SPOCK1: variants seen among roughly 807,000 people sequenced by gnomAD.
SPOCK1 encodes the protein SPARC (osteonectin), cwcv and kazal like domains proteoglycan 1.
SPOCK1 carries 23 observed loss-of-function variants against 55.3 expected under a neutral mutation model. The observed-to-expected ratio is 0.42, with a 90% CI of 0.30 to 0.59. The LOEUF (loss-of-function observed/expected upper bound fraction) is 0.59. Ranked by LOEUF, SPOCK1 falls within the 20% of genes least tolerant of loss-of-function variation. The probability of loss-of-function intolerance (pLI) is 0.22; values close to 1 mark genes in which losing one functional copy is unlikely to be tolerated. For missense variants in SPOCK1, 499 were observed against 552.5 expected (o/e 0.90, Z 0.97); for synonymous variants, 226 against 221.0 (o/e 1.02, Z -0.20).
rs144765704 is a variant in SPOCK1 at position 137,460,398 on chromosome 5, G to A, written c.186+37975C>T. On this transcript the variant is annotated intron_variant, in intron 2 of 10. Transcript: ENST00000394945. ...GGGAGACTCTTCCAGGTCAAGGTACGGGATAAGGACCAGCCTGTTTAATGC... is the reference window on the plus strand; with the variant it reads ...GGGAGACTCTTCCAGGTCAAGGTACAGGATAAGGACCAGCCTGTTTAATGC... Among the ~76,000 whole-genome samples, 1,268 of 152,242 alleles carry A rather than the reference G, an allele frequency of 8.3e-3. 17 individuals carry two copies. The highest frequency in any genetic ancestry group is 0.029 in the African/African-American group (1,205 of 41,522).
At chr5:137,292,426 T>TAAAAAA (rs753574851) in intron 2 of SPOCK1, among the ~76,000 whole-genome samples, 3 of 38,004 alleles carry the variant, frequency 7.9e-5, no homozygotes, top group Non-Finnish European at 9.7e-5. Context: ...CTGGTGTAGT[T>TAAAAAA]AAAAAAAAAA....
chr5:136,997,997 T>G (rs566574916), intron 6 of SPOCK1, among the ~76,000 whole-genome samples: 26 of 152,032 alleles, frequency 1.7e-4, no homozygotes, highest in African/African-American at 5.8e-4. Flanking sequence ...ACTTCAATTT[T>G]TCCATCTGCA....
chr5:137,155,104 T>C (rs569101850), intron 3 of SPOCK1, among the ~76,000 whole-genome samples: 3 of 152,310 alleles, frequency 2.0e-5, no homozygotes, highest in Admixed American at 2.0e-4. Flanking sequence ...TTAACATTGA[T>C]CTTTGCAAGT....
intron 2 of SPOCK1, among the ~76,000 whole-genome samples, chr5:137,394,979 T>C (rs563727458): frequency 3.3e-4 from 51 of 152,350 alleles, no homozygotes; most frequent in African/African-American, 1.2e-3. Context: ...TCAGCAAAGC[T>C]GAGGTCCAGC....
chr5:137,281,670 C>T (rs1757167884), intron 2 of SPOCK1, among the ~76,000 whole-genome samples: 1 of 152,224 alleles, frequency 6.6e-6, no homozygotes, highest in Non-Finnish European at 1.5e-5. Context: ...CAAATTGTGG[C>T]TCGATTTGTT....
chr5:137,096,182 A>C (rs1753142273), intron 5 of SPOCK1, among the ~76,000 whole-genome samples: 1 of 152,122 alleles, frequency 6.6e-6, no homozygotes, highest in African/African-American at 2.4e-5. Context: ...CAAGTATAGC[A>C]TACTGCTGGA....
rs140664910 is a variant in SPOCK1, at chr5:137,143,573, C to T, written c.233-2879G>A. Among the ~76,000 whole-genome samples the T allele has an allele frequency of 1.0e-3, 152 of 152,264 alleles. 4 individuals carry two copies. The Middle Eastern group carries it at 0.024, about 24-fold the overall frequency. On this transcript the variant is annotated intron_variant, in intron 3 of 10. Transcript: ENST00000394945. ...GGGATAATAACAGCACCTGCTATTG[C>T]TTGGTGGTTGTCATGAACATTTAAT...
Position 136,978,630 on chromosome 5 carries a change from CT to C in SPOCK1, c.*23del, listed in dbSNP as rs777246567. ...AAGTGACTTGCAATTTTGTGCAAAA[CT>C]TGTGTCCTCTTTCTTGTGGGCACTA... is the stretch of plus-strand genomic sequence containing the variant. On this transcript the variant is annotated 3_prime_UTR_variant, in exon 11 of 11. Transcript: ENST00000394945. 1 of 1,568,788 alleles carries C rather than the reference CT, an allele frequency of 6.4e-7. No individual in the cohort carries two copies. Among genetic ancestry groups the C allele is most frequent in the Non-Finnish European group, 8.6e-7 (1 of 1,160,616 alleles).
rs925858775 is a variant in SPOCK1, at chr5:137,044,067, A to G, written c.589+23648T>C. The stretch of plus-strand genomic sequence containing the variant: ...ATAAAGAGTTTATGTGAAAAAATTA[A>G]CATTAAATTAATGACTTTGGGATAT... On this transcript the variant is annotated intron_variant, in intron 6 of 10. Coordinates refer to ENST00000394945, the MANE Select transcript of SPOCK1 (RefSeq NM_004598.4). 6.6e-5 allele frequency among the ~76,000 whole-genome samples: 10 copies of G among 152,360 alleles called. No individual in the cohort carries two copies. In the East Asian group the frequency reaches 1.9e-3, roughly 29 times the overall value.
chr5:137,464,196 G>A (rs1009620693), intron 2 of SPOCK1, among the ~76,000 whole-genome samples: 1 of 152,086 alleles, frequency 6.6e-6, no homozygotes, highest in African/African-American at 2.4e-5. Context: ...AGCTACTTGT[G>A]GGGGCTGAGG....
intron 2 of SPOCK1, among the ~76,000 whole-genome samples, chr5:137,390,023 G>A (rs921983537): frequency 2.0e-5 from 3 of 152,110 alleles, no homozygotes; most frequent in Non-Finnish European, 4.4e-5. Context: ...CTCCACCCAG[G>A]TTCAAGCAGA....
chr5:137,074,916 G>T (rs1752722652), intron 5 of SPOCK1, among the ~76,000 whole-genome samples: 1 of 152,170 alleles, frequency 6.6e-6, no homozygotes, highest in African/African-American at 2.4e-5. Flanking sequence ...TGTTAGCCAG[G>T]ATGGTCTCGA....
chr5:137,207,549 C>T (rs890128061), intron 3 of SPOCK1, among the ~76,000 whole-genome samples: 2 of 152,162 alleles, frequency 1.3e-5, no homozygotes, highest in African/African-American at 4.8e-5. Context: ...GGGTTGCCTC[C>T]TCTGCCAGTG....
intron 5 of SPOCK1, among the ~76,000 whole-genome samples, chr5:137,086,352 G>A (rs896007643): frequency 3.9e-5 from 6 of 152,204 alleles, no homozygotes; most frequent in Non-Finnish European, 8.8e-5. Flanking sequence ...AAGGACAGTA[G>A]CAGCATCTCT....
At chr5:137,094,202 G>A (rs1753100299) in intron 5 of SPOCK1, among the ~76,000 whole-genome samples, 1 of 152,114 alleles carries the variant, frequency 6.6e-6, no homozygotes, top group African/African-American at 2.4e-5. Flanking sequence ...GAAACACTGG[G>A]GCCCAAGGAA....
chr5:137,114,250 G>A (rs79869645), intron 4 of SPOCK1, among the ~76,000 whole-genome samples: 19,857 of 152,204 alleles, frequency 0.13, 1,483 homozygotes, highest in East Asian at 0.22. Flanking sequence ...TCTTACTAGC[G>A]GGGAAAACTG....
chr5:137,251,690 C>T (rs529869885), intron 3 of SPOCK1, among the ~76,000 whole-genome samples: 1 of 152,214 alleles, frequency 6.6e-6, no homozygotes, highest in East Asian at 1.9e-4. Flanking sequence ...CAAAATGGTG[C>T]CACAGATGGG....
intron 4 of SPOCK1, among the ~76,000 whole-genome samples, chr5:137,113,278 C>G (rs974263106): frequency 5.3e-5 from 8 of 152,156 alleles, no homozygotes; most frequent in African/African-American, 1.7e-4. Flanking sequence ...ATCACTATAT[C>G]ATAAACCACT....
chr5:137,126,712 A>C (rs947147101), intron 4 of SPOCK1, among the ~76,000 whole-genome samples: 2 of 152,198 alleles, frequency 1.3e-5, no homozygotes, highest in African/African-American at 4.8e-5. Flanking sequence ...CAGTGAGCTG[A>C]GATCACACCA....
Sources: allele counts gnomAD v4.1 joint callset (sites outside exome capture counted in the v4.1 genomes callset), GRCh38; gene constraint gnomAD v4.1.1; transcripts MANE v1.5; gene names NCBI Gene and HGNC (gene_info 2026-07-23, HGNC 2026-07-21).